Variants in DPP6 observed in about 807,000 individuals in gnomAD.
DPP6 encodes dipeptidyl peptidase like 6, also known as A-type potassium channel modulatory protein DPP6.
Under a neutral mutation model 122.6 loss-of-function variants are expected in DPP6, and 69 were observed. The observed-to-expected ratio is 0.56, with a 90% CI of 0.46 to 0.69. DPP6 has a LOEUF of 0.69. Among genes scored for constraint, DPP6 ranks in the 30% least tolerant of loss-of-function variants. The pLI, the probability that DPP6 is intolerant of heterozygous loss-of-function variation, is 0.00. For synonymous variants in DPP6, 418 were observed against 433.1 expected (o/e 0.97, Z 0.43); for missense variants, 928 against 1,116.9 (o/e 0.83, Z 2.41).
chr7:154,779,004 A>G (rs1796799531), intron 10 of DPP6, among the ~76,000 whole-genome samples: 1 of 127,222 alleles, frequency 7.9e-6, no homozygotes, highest in Non-Finnish European at 1.7e-5. Flanking sequence ...CACAACCTCC[A>G]CCACCAGCAC....
chr7:154,463,936 G>A (rs1821562044), intron 2 of DPP6, among the ~76,000 whole-genome samples: 1 of 152,196 alleles, frequency 6.6e-6, no homozygotes, highest in South Asian at 2.1e-4. Context: ...AAGAGGTGAT[G>A]CAAGCACTCC....
intron 5 of DPP6, among the ~76,000 whole-genome samples, chr7:154,576,422 C>T (rs1402344783): frequency 6.6e-6 from 1 of 152,110 alleles, no homozygotes; most frequent in African/African-American, 2.4e-5. Context: ...ACTCATGGTG[C>T]CTTCTCCCCC....
At chr7:154,571,898 G>A (rs748810541) in intron 5 of DPP6, among the ~76,000 whole-genome samples, 2 of 152,128 alleles carry the variant, frequency 1.3e-5, no homozygotes, top group African/African-American at 4.8e-5. Flanking sequence ...TCTGCTGGTC[G>A]GAAATCTGGG....
intron 3 of DPP6, among the ~76,000 whole-genome samples, chr7:154,490,451 G>C (rs913267161): frequency 7.9e-5 from 12 of 152,222 alleles, no homozygotes; most frequent in African/African-American, 2.2e-4. Flanking sequence ...GTGGGGTAAA[G>C]GATGAGTTTG....
At position 154,847,856 on chromosome 7, in the gene DPP6, C is replaced by A. The variant is rs117650294; in HGVS notation, c.1667-5924C>A. On this transcript the variant is annotated intron_variant, in intron 16 of 25. Transcript: ENST00000377770. ...CCTCACTTCAGCCTCTGGTAACCAT[C>A]TTTCTACTCTTTGTTTCTACGAAAT... 2.8e-3 allele frequency among the ~76,000 whole-genome samples: 425 copies of A among 152,308 alleles called. 16 individuals are homozygous for A. The East Asian group carries it at 0.076, about 27-fold the overall frequency.
At chr7:154,804,565 TA>T (rs1798574453) in intron 14 of DPP6, among the ~76,000 whole-genome samples, 1 of 152,200 alleles carries the variant, frequency 6.6e-6, no homozygotes, top group Non-Finnish European at 1.5e-5. Flanking sequence ...GAACTTGTCT[TA>T]AATGTGCTCA....
chr7:153,834,796 G>A, the DPP6 span, among the ~76,000 whole-genome samples: 1 of 152,066 alleles, frequency 6.6e-6, no homozygotes, highest in Non-Finnish European at 1.5e-5. Flanking sequence ...TTCATATAGA[G>A]AAACAACGTG....
intron 1 of DPP6, among the ~76,000 whole-genome samples, chr7:154,238,059 C>T (rs1453242163): frequency 1.3e-5 from 2 of 152,138 alleles, no homozygotes; most frequent in Non-Finnish European, 2.9e-5. Flanking sequence ...AGGAGGACAT[C>T]GAAGATGTCT....
In DPP6 at chr7:154,054,161, C is replaced by G. The variant is rs185348447; in HGVS notation, c.243+1098C>G. ...TGCTCAACCTGGGAACCGCAGGGGT[C>G]CCACCGGCCTCTCACTTAGTCTACC... On this transcript the variant is annotated intron_variant, in intron 1 of 25. Coordinates refer to ENST00000377770, the MANE Select transcript of DPP6 (RefSeq NM_130797.4). Among the ~76,000 whole-genome samples, 225 of 152,072 alleles carry G rather than the reference C, an allele frequency of 1.5e-3. 2 individuals carry two copies. Among genetic ancestry groups the G allele is most frequent in the Non-Finnish European group, 2.1e-3 (142 of 67,982 alleles).
chr7:154,245,205 G>A (rs1408937442), intron 1 of DPP6, among the ~76,000 whole-genome samples: 2 of 151,330 alleles, frequency 1.3e-5, no homozygotes, highest in Non-Finnish European at 2.9e-5. Flanking sequence ...CTCCCGCCTC[G>A]GCCTCCCAAA....
chr7:154,164,060 CG>C (rs1052003091), intron 1 of DPP6, among the ~76,000 whole-genome samples: 1 of 152,096 alleles, frequency 6.6e-6, no homozygotes, highest in African/African-American at 2.4e-5. Context: ...TGCCTGGCCC[CG>C]CCAAACCTCT....
chr7:153,867,767 G>A, the DPP6 span, among the ~76,000 whole-genome samples: 1 of 152,234 alleles, frequency 6.6e-6, no homozygotes, highest in East Asian at 1.9e-4. Context: ...TGTCCATTCA[G>A]TATGATATTG....
At chr7:154,625,942 C>T (rs1028755959) in intron 5 of DPP6, among the ~76,000 whole-genome samples, 4 of 152,104 alleles carry the variant, frequency 2.6e-5, no homozygotes, top group South Asian at 2.1e-4. Flanking sequence ...AGCAGAATTA[C>T]GAATGAGTCA....
chr7:154,168,478 C>T (rs929731952), intron 1 of DPP6, among the ~76,000 whole-genome samples: 5 of 152,180 alleles, frequency 3.3e-5, no homozygotes, highest in African/African-American at 1.2e-4. Context: ...TAGGTCACCT[C>T]CTTTCCTCTG....
intron 21 of DPP6, chr7:154,883,830 CCTG>C (rs1563323452): frequency 2.0e-5 from 3 of 146,778 alleles, no homozygotes; most frequent in African/African-American, 2.5e-5. Flanking sequence ...ATTACATACA[CCTG>C]CTCACCCATA....
the DPP6 span, among the ~76,000 whole-genome samples, chr7:153,859,872 C>T: frequency 6.6e-6 from 1 of 152,078 alleles, no homozygotes. Flanking sequence ...TGAGAACTCA[C>T]TCAATATCAT....
chr7:154,802,834 C>A, intron 13 of DPP6, among the ~76,000 whole-genome samples: 1 of 102,340 alleles, frequency 9.8e-6, no homozygotes. Context: ...GAGACACTGT[C>A]TCAAAAAAAA....
chr7:154,533,066 C>T (rs1032316762), intron 3 of DPP6, among the ~76,000 whole-genome samples: 1 of 152,174 alleles, frequency 6.6e-6, no homozygotes, highest in Non-Finnish European at 1.5e-5. Flanking sequence ...CATTTATTAC[C>T]ATTAGATCAC....
chr7:154,492,452 G>A (rs1420247423), intron 3 of DPP6, among the ~76,000 whole-genome samples: 1 of 152,154 alleles, frequency 6.6e-6, no homozygotes, highest in African/African-American at 2.4e-5. Context: ...GACGTCTGTG[G>A]CCAGGTATAT....
Sources: allele counts gnomAD v4.1 joint callset (sites outside exome capture counted in the v4.1 genomes callset), GRCh38; gene constraint gnomAD v4.1.1; transcripts MANE v1.5; gene names NCBI Gene and HGNC (gene_info 2026-07-23, HGNC 2026-07-21).